Variants in DENND2A observed in about 807,000 individuals in gnomAD.
DENND2A encodes DENN domain containing 2A, also known as DENN domain-containing protein 2A.
Under a neutral mutation model 105.3 loss-of-function variants are expected in DENND2A, and 53 were observed. The ratio of observed to expected loss-of-function variants is 0.50; its 90% confidence interval spans 0.40 to 0.63. The LOEUF (loss-of-function observed/expected upper bound fraction) is 0.63. Among genes scored for constraint, DENND2A ranks in the 30% least tolerant of loss-of-function variants. The pLI is 0.00. For synonymous variants in DENND2A, 522 were observed against 508.4 expected, an observed-to-expected ratio of 1.03 and a Z score of -0.36; for missense variants, 1,138 against 1,279.6, an observed-to-expected ratio of 0.89 and a Z score of 1.69.
intron 5 of DENND2A, among the ~76,000 whole-genome samples, chr7:140,578,921 G>A (rs945219248): frequency 6.6e-6 from 1 of 152,134 alleles, no homozygotes; most frequent in African/African-American, 2.4e-5. Flanking sequence ...TTCTAACAAT[G>A]GGGACTAATG....
rs144076114 is a variant in DENND2A at position 140,595,217 on chromosome 7, G to A, written c.995+6186C>T. 4.1e-4 allele frequency among the ~76,000 whole-genome samples: 62 copies of A among 151,484 alleles called. No homozygotes were observed. The East Asian group carries it at 0.012, about 29-fold the overall frequency. On this transcript the variant is annotated intron_variant, in intron 3 of 19. Transcript: ENST00000496613. ...AGACAGAGTTTCCCCATGTTAGCCA[G>A]GCTGGTCTCAAACTCCTGACCTCAA...
chr7:140,606,233 T>C (rs1469691017), intron 1 of DENND2A, among the ~76,000 whole-genome samples: 1 of 152,068 alleles, frequency 6.6e-6, no homozygotes, highest in Non-Finnish European at 1.5e-5. Flanking sequence ...AGAGACGGTT[T>C]TTCACCTTGT....
At chr7:140,596,235 C>A (rs1055045575) in intron 3 of DENND2A, among the ~76,000 whole-genome samples, 5 of 152,138 alleles carry the variant, frequency 3.3e-5, no homozygotes, top group African/African-American at 1.2e-4. Context: ...GAGCAAGCAC[C>A]GTCTCTCTGT....
intron 5 of DENND2A, among the ~76,000 whole-genome samples, chr7:140,579,314 T>A (rs553597): frequency 0.5 from 75,396 of 150,748 alleles, 20,511 homozygotes; most frequent in African/African-American, 0.72. Flanking sequence ...ATAATAATAA[T>A]AAAAAGAAAT....
Position 140,622,119 on chromosome 7 carries a change from C to T in DENND2A, c.-247-16313G>A, listed in dbSNP as rs375542017. On this transcript the variant is annotated intron_variant, in intron 1 of 19. Transcript: ENST00000496613. ...ACCTTTAAATTTTTAAATTTTGTGCCGGGCGTGGTGGCTCATGCCTGTGAT... is the reference window on the plus strand; with the variant it reads ...ACCTTTAAATTTTTAAATTTTGTGCTGGGCGTGGTGGCTCATGCCTGTGAT... Among the ~76,000 whole-genome samples the T allele has an allele frequency of 4.1e-4, 62 of 152,200 alleles. No homozygotes were observed. The East Asian group carries it at 5.4e-3, about 13-fold the overall frequency.
intron 5 of DENND2A, among the ~76,000 whole-genome samples, chr7:140,578,302 T>C (rs1798392796): frequency 1.3e-5 from 2 of 152,154 alleles, no homozygotes; most frequent in South Asian, 4.1e-4. Context: ...CCCAGGTTCA[T>C]TAACCCTTCT....
intron 14 of DENND2A, among the ~76,000 whole-genome samples, chr7:140,539,333 G>C (rs1796566473): frequency 6.6e-6 from 1 of 152,176 alleles, no homozygotes; most frequent in Non-Finnish European, 1.5e-5. Context: ...GGGGTGACCT[G>C]ATCATACCTG....
chr7:140,542,502 C>T (rs1436137873), intron 14 of DENND2A, among the ~76,000 whole-genome samples: 2 of 152,014 alleles, frequency 1.3e-5, no homozygotes, highest in African/African-American at 2.4e-5. Context: ...TCATCTCTCC[C>T]TCCCCCATCT....
At position 140,590,895 on chromosome 7, in the gene DENND2A, A is replaced by AATAATAATAATAAT. The variant is rs775140274; in HGVS notation, c.996-3116_996-3115insATTATTATTATTAT. On this transcript the variant is annotated intron_variant, in intron 3 of 19. Transcript: ENST00000496613. ...TTCTGGGGAATAATAATAATAATAAAAAAAAGGTCAGCCATGCTTTACATT... is the reference window on the plus strand; with the variant it reads ...TTCTGGGGAATAATAATAATAATAAAATAATAATAATAATAAAAAGGTCAGCCATGCTTTACATT... Among the ~76,000 whole-genome samples the AATAATAATAATAAT allele has an allele frequency of 2.0e-4, 30 of 151,972 alleles. 1 individual carries two copies. The highest frequency in any genetic ancestry group is 6.0e-4 in the African/African-American group (25 of 41,352).
rs532842853 is a variant in DENND2A at position 140,573,016 on chromosome 7, A to G, written c.1446+792T>C. On this transcript the variant is annotated intron_variant, in intron 6 of 19. Transcript: ENST00000496613. ...GGCCAAGAGAAATCTAATCAAACAA[A>G]CCTTGTTTAACCCCTATCTTCCTGG... Among the ~76,000 whole-genome samples the G allele has an allele frequency of 3.2e-4, 48 of 152,144 alleles. No individual in the cohort carries two copies. In the South Asian group the frequency reaches 4.8e-3, roughly 15 times the overall value.
In DENND2A at chr7:140,588,353, C is replaced by A. The variant is rs139553440; in HGVS notation, c.996-573G>T. Among the ~76,000 whole-genome samples the A allele has an allele frequency of 5.3e-5, 8 of 152,114 alleles. No individual in the cohort carries two copies. The East Asian group carries it at 7.7e-4, about 15-fold the overall frequency. Reference sequence around the variant, plus strand: ...TCCCAACTTTGTAAACAAACATAGACGTAGAAAATAGAAAAGGGGGCCGGG... The same window carrying A: ...TCCCAACTTTGTAAACAAACATAGAAGTAGAAAATAGAAAAGGGGGCCGGG... On this transcript the variant is annotated intron_variant, in intron 3 of 19. Transcript: ENST00000496613.
intron 1 of DENND2A, among the ~76,000 whole-genome samples, chr7:140,625,804 A>G (rs1471223069): frequency 2.0e-5 from 3 of 152,234 alleles, no homozygotes; most frequent in African/African-American, 7.2e-5. Flanking sequence ...TGTTCTAACA[A>G]AATGTATATA....
At chr7:140,622,893 A>C (rs2130723509) in intron 1 of DENND2A, among the ~76,000 whole-genome samples, 2 of 152,222 alleles carry the variant, frequency 1.3e-5, no homozygotes, top group Middle Eastern at 6.8e-3. Context: ...TTTAAACACG[A>C]ATCTGTATCC....
chr7:140,630,860 C>A (rs1258322118), intron 1 of DENND2A, among the ~76,000 whole-genome samples: 1 of 151,086 alleles, frequency 6.6e-6, no homozygotes, highest in Non-Finnish European at 1.5e-5. Context: ...GACTCCGTCT[C>A]AAAAAACAAA....
chr7:140,624,009 C>A (rs1327943631), intron 1 of DENND2A, among the ~76,000 whole-genome samples: 1 of 152,234 alleles, frequency 6.6e-6, no homozygotes, highest in Non-Finnish European at 1.5e-5. Flanking sequence ...ACACCTAACG[C>A]CCCGGCAGGG....
intron 2 of DENND2A, among the ~76,000 whole-genome samples, chr7:140,602,888 G>A (rs1201904487): frequency 1.3e-5 from 2 of 152,144 alleles, no homozygotes; most frequent in East Asian, 1.9e-4. Flanking sequence ...ATCGGGTTTA[G>A]GAGTCAGATA....
At chr7:140,541,486 T>G (rs1200541637) in intron 14 of DENND2A, among the ~76,000 whole-genome samples, 3 of 152,118 alleles carry the variant, frequency 2.0e-5, no homozygotes, top group Admixed American at 2.0e-4. Flanking sequence ...CTTTCTGAAA[T>G]CCATCATTTT....
chr7:140,589,491 C>T (rs1458201293), intron 3 of DENND2A, among the ~76,000 whole-genome samples: 1 of 152,226 alleles, frequency 6.6e-6, no homozygotes, highest in African/African-American at 2.4e-5. Context: ...GTTTCTCCCA[C>T]TCTCAGGGCC....
rs567606829 is a variant in DENND2A, at chr7:140,518,611, T to C, written c.*96A>G. On this transcript the variant is annotated 3_prime_UTR_variant, in exon 20 of 20. Transcript: ENST00000496613. ...CACCGCGGCCTCCAGTTCCGCACCG[T>C]GACAACCTGGGACCCAGCCTTTCAG... is the stretch of plus-strand genomic sequence containing the variant. 49 of 1,384,992 alleles carry C rather than the reference T, an allele frequency of 3.5e-5. No homozygotes were observed. The Admixed American group carries it at 5.8e-4, about 16-fold the overall frequency. The allele number at this position is 1,384,992 out of a possible 1,614,324, so 85.8% of individuals were successfully genotyped here. A position where few individuals can be genotyped will look rare whatever the true frequency, so the allele number is the denominator to read the frequency against.
Sources: gnomAD v4.1 joint callset for allele counts (sites outside exome capture counted in the v4.1 genomes callset) on GRCh38, gnomAD v4.1.1 for gene constraint, MANE v1.5 for transcripts, NCBI Gene and HGNC (gene_info 2026-07-23, HGNC 2026-07-21) for gene names.